MYSM1: variants seen among roughly 807,000 people sequenced by gnomAD.
MYSM1 encodes the protein Myb like, SWIRM and MPN domains 1.
In MYSM1, 51 loss-of-function variants were observed where a neutral mutation model predicts 116.0. The ratio of observed to expected loss-of-function variants is 0.44; its 90% CI spans 0.35 to 0.56. MYSM1 has a LOEUF of 0.56. Ranked by LOEUF, MYSM1 falls within the 20% of genes least tolerant of loss-of-function variation. MYSM1 has a pLI of 0.00. For missense variants in MYSM1, 900 were observed against 974.9 expected (o/e 0.92, Z 1.02); for synonymous variants, 313 against 315.2 (o/e 0.99, Z 0.07).
In MYSM1 at chr1:58,668,669, A is replaced by T; in HGVS notation, c.1730T>A (p.Val577Glu). ...TAAAAGTGCTTCTGAAGCCACTTTC[A>T]CCTGAAATGGCTCCTGAAATATAAA... is the stretch of plus-strand genomic sequence containing the variant. ...FSEEKQEPFQ[V>E]KVASEALLIM... is the part of the protein sequence containing the mutation. The change falls in exon 14 of 20, where the codon GTG becomes GAG. Residue 577 changes from valine to glutamate, a missense_variant. Val to Glu is a moderately radical substitution (Grantham distance 121). Around this residue, in one of 3 missense-constraint regions of MYSM1, gnomAD observed 92 missense variants for 155.0 expected, o/e 0.59. Coordinates refer to ENST00000472487, the MANE Select transcript of MYSM1 (RefSeq NM_001085487.3). The T allele has an allele frequency of 6.2e-7, 1 of 1,606,044 alleles. No individual in the cohort carries two copies. The highest frequency in any genetic ancestry group is 8.5e-7 in the Non-Finnish European group (1 of 1,175,872).
rs1451242730 is a variant in MYSM1, at chr1:58,699,974, C to G, written c.68+11G>C. ...TCTCCGCCCCAGAGAGACCCGGTCT[C>G]TAAGCCTCACCCTGGCTGTGCCCCC... is the stretch of plus-strand genomic sequence containing the variant. On this transcript the variant is annotated intron_variant, in intron 1 of 19. Transcript: ENST00000472487. The G allele has an allele frequency of 4.7e-5, 76 of 1,613,566 alleles. No homozygotes were observed. Among genetic ancestry groups the G allele is most frequent in the Non-Finnish European group, 6.3e-5 (74 of 1,179,994 alleles).
Position 58,659,399 on chromosome 1 carries a change from G to T in MYSM1, c.*598C>A, listed in dbSNP as rs1344613409. The T allele has an allele frequency of 6.6e-6, 1 of 152,110 alleles. No homozygotes were observed. The highest frequency in any genetic ancestry group is 2.4e-5 in the African/African-American group (1 of 41,440). 9.4% of individuals were successfully genotyped at this position (152,110 alleles called of 1,614,324 possible). The stretch of plus-strand genomic sequence containing the variant: ...TGATACTACTGCTATACAATGAAAT[G>T]GAAGATAGTATCTATGATTAGAAAC... On this transcript the variant is annotated 3_prime_UTR_variant, in exon 20 of 20. Coordinates refer to ENST00000472487, the MANE Select transcript of MYSM1 (RefSeq NM_001085487.3).
In MYSM1 at chr1:58,689,124, GAA is replaced by G. The variant is rs760341236; in HGVS notation, c.321-10_321-9del. 5 of 1,580,620 alleles carry G rather than the reference GAA, an allele frequency of 3.2e-6. No individual in the cohort carries two copies. In the Admixed American group the frequency reaches 1.0e-4, roughly 32 times the overall value. On this transcript the variant is annotated splice_polypyrimidine_tract_variant and intron_variant, in intron 5 of 19. Coordinates refer to ENST00000472487, the MANE Select transcript of MYSM1 (RefSeq NM_001085487.3). ...TTTGTAGGAGAGTGTACCCTGAGGGGAAAAAAAGGAATTGCAAAAAAAATTTC... is the reference window on the plus strand; with the variant it reads ...TTTGTAGGAGAGTGTACCCTGAGGGGAAAAAGGAATTGCAAAAAAAATTTC...
At chr1:58,686,975 A>G (rs550912231) in intron 6 of MYSM1, among the ~76,000 whole-genome samples, 16 of 151,776 alleles carry the variant, frequency 1.1e-4, no homozygotes, top group Admixed American at 2.0e-4. Flanking sequence ...TAAAAAAAAA[A>G]AAAGAAGATA....
chr1:58,655,902 A>T lies in MYSM1; in HGVS notation c.*4095T>A, dbSNP rs1182053797. 2 of 152,198 alleles carry T rather than the reference A, an allele frequency of 1.3e-5. No homozygotes were observed. Among genetic ancestry groups the T allele is most frequent in the African/African-American group, 4.8e-5 (2 of 41,450 alleles). 9.4% of individuals were successfully genotyped at this position (152,198 alleles called of 1,614,324 possible). A position where few individuals can be genotyped will look rare whatever the true frequency, so the allele number is the denominator to read the frequency against. On this transcript the variant is annotated 3_prime_UTR_variant, in exon 20 of 20. Transcript: ENST00000472487. ...TATTGGTAGAGTATAGGTGAAAAAA[A>T]AAATAAAATTTGGGCACCCTTACTG...
chr1:58,698,098 A>ATTTTTTTTTTTTT (rs1386142383), intron 1 of MYSM1, among the ~76,000 whole-genome samples: 4 of 30,234 alleles, frequency 1.3e-4, no homozygotes, highest in African/African-American at 5.2e-4. Context: ...ATATATATAT[A>ATTTTTTTTTTTTT]TATATTTTTT....
At chr1:58,694,347 G>A (rs1356227829) in intron 2 of MYSM1, among the ~76,000 whole-genome samples, 1 of 152,222 alleles carries the variant, frequency 6.6e-6, no homozygotes, top group Admixed American at 6.5e-5. Context: ...ACATGGCCGG[G>A]CGCGGTGGCT....
chr1:58,665,532 T>C lies in MYSM1; in HGVS notation c.2131A>G (p.Ile711Val), dbSNP rs1392595556. Residue 711 changes from isoleucine to valine, a missense_variant, in exon 17 of 20, where the codon ATA becomes GTA. Ile to Val is a conservative substitution (Grantham distance 29). Transcript: ENST00000472487. ...CCATCTGGGCTAATTTCCTCACTTA[T>C]AACCAGGCAGGTAATCTGAGAATAT... ...LPYSQITCLV[I>V]SEEISPDGSY... The C allele has an allele frequency of 3.1e-6, 5 of 1,607,790 alleles. No homozygotes were observed. The highest frequency in any genetic ancestry group is 2.7e-5 in the African/African-American group (2 of 74,748).
At chr1:58,693,960 C>T (rs181147370) in intron 2 of MYSM1, among the ~76,000 whole-genome samples, 1 of 152,168 alleles carries the variant, frequency 6.6e-6, no homozygotes, top group Non-Finnish European at 1.5e-5. Flanking sequence ...GCTGCCACTC[C>T]TTCCTTTCCC....
In MYSM1 at chr1:58,659,369, T is replaced by A. The variant is rs1644360977; in HGVS notation, c.*628A>T. 6.6e-6 allele frequency: 1 copy of A among 152,180 alleles called. No homozygotes were observed. Among genetic ancestry groups the A allele is most frequent in the Non-Finnish European group, 1.5e-5 (1 of 68,016 alleles). The allele number at this position is 152,180 out of a possible 1,614,324, so 9.4% of individuals were successfully genotyped here. On this transcript the variant is annotated 3_prime_UTR_variant, in exon 20 of 20. Transcript: ENST00000472487. ...TTCAGATAGCTGAGAAAATGGCATA[T>A]CTTATGATACTACTGCTATACAATG... is the stretch of plus-strand genomic sequence containing the variant.
chr1:58,667,155 T>G lies in MYSM1; in HGVS notation c.1914A>C (p.Thr638=). The part of the protein sequence containing the change: ...LQCEMDPVSQ[T]QASETLAVRG... ...TAACAGCCAAGGTTTCTGAGGCCTG[T>G]GTTTGTGATACAGGATCCATCTCAC... The change falls in exon 16 of 20, where the codon ACA becomes ACC. Residue 638 remains threonine, a synonymous_variant. Coordinates refer to ENST00000472487, the MANE Select transcript of MYSM1 (RefSeq NM_001085487.3). 1 of 1,613,600 alleles carries G rather than the reference T, an allele frequency of 6.2e-7. No individual in the cohort carries two copies. Among genetic ancestry groups the G allele is most frequent in the Non-Finnish European group, 8.5e-7 (1 of 1,179,662 alleles).
At chr1:58,676,402 C>T (rs897883270) in intron 9 of MYSM1, among the ~76,000 whole-genome samples, 6 of 96,960 alleles carry the variant, frequency 6.2e-5, no homozygotes, top group East Asian at 5.5e-4. Context: ...GGCAACAGAG[C>T]GAGAAAAAAA....
chr1:58,670,678 G>A (rs573820259), intron 12 of MYSM1, among the ~76,000 whole-genome samples: 8 of 152,272 alleles, frequency 5.3e-5, no homozygotes, highest in South Asian at 2.1e-4. Flanking sequence ...AGATATATGC[G>A]TTAATTGTGG....
chr1:58,689,665 C>A (rs41287662), intron 5 of MYSM1: 4,010 of 152,672 alleles, frequency 0.026, 82 homozygotes, highest in Non-Finnish European at 0.039. Flanking sequence ...TTGTTAACTT[C>A]ATTTCATTGT....
chr1:58,679,859 C>A (rs1017388350), intron 8 of MYSM1, among the ~76,000 whole-genome samples: 6 of 151,630 alleles, frequency 4.0e-5, no homozygotes, highest in Non-Finnish European at 7.4e-5. Flanking sequence ...GAAACCCAGT[C>A]TCTACTAAAA....
chr1:58,698,102 A>ATATATATATATATTTATTTATTTATTTAT, intron 1 of MYSM1, among the ~76,000 whole-genome samples: 1 of 7,770 alleles, frequency 1.3e-4, no homozygotes, highest in South Asian at 0.01. Flanking sequence ...ATATATATAT[A>ATATATATATATATTTATTTATTTATTTAT]TTTTTTTTTT....
At chr1:58,666,575 T>C (rs1303097136) in intron 16 of MYSM1, among the ~76,000 whole-genome samples, 19 of 62,434 alleles carry the variant, frequency 3.0e-4, no homozygotes, top group African/African-American at 4.6e-4. Context: ...GTATTTTTTT[T>C]CTTTTTTTTT....
At position 58,658,374 on chromosome 1, in the gene MYSM1, C is replaced by T. The variant is rs1189170452; in HGVS notation, c.*1623G>A. ...TATGTTAATTTGGAAACTGTATTAA[C>T]TCAAAATATAAACTTCACAAGAGTA... On this transcript the variant is annotated 3_prime_UTR_variant, in exon 20 of 20. Transcript: ENST00000472487. 2.6e-5 allele frequency: 4 copies of T among 151,714 alleles called. No homozygotes were observed. The highest frequency in any genetic ancestry group is 9.7e-5 in the African/African-American group (4 of 41,246). The allele number at this position is 151,714 out of a possible 1,614,324, so 9.4% of individuals were successfully genotyped here.
intron 16 of MYSM1, among the ~76,000 whole-genome samples, chr1:58,666,561 A>G (rs969437726): frequency 7.0e-6 from 1 of 142,708 alleles, no homozygotes; most frequent in Admixed American, 7.6e-5. Context: ...AACCCCCAGT[A>G]TATGTATTTT....
Sources: gnomAD v4.1 joint callset for allele counts (sites outside exome capture counted in the v4.1 genomes callset) on GRCh38, gnomAD v4.1.1 for gene constraint, gnomAD v4.1.1 regional missense constraint, MANE v1.5 for transcripts, NCBI Gene and HGNC (gene_info 2026-07-23, HGNC 2026-07-21) for gene names.